Variants in ZDHHC5 observed in about 807,000 individuals in gnomAD.
ZDHHC5 encodes palmitoyltransferase ZDHHC5.
ZDHHC5 carries 22 observed loss-of-function variants against 70.0 expected under a neutral mutation model. The ratio of observed to expected loss-of-function variants is 0.31; its 90% CI spans 0.22 to 0.45. ZDHHC5 has a LOEUF of 0.45. Among genes scored for constraint, ZDHHC5 ranks in the 20% least tolerant of loss-of-function variants. The pLI is 1.00. For synonymous variants in ZDHHC5, 313 were observed against 347.8 expected (o/e 0.90, Z 1.11); for missense variants, 746 against 926.9 (o/e 0.80, Z 2.53).
chr11:57,699,164 C>T lies in ZDHHC5; in HGVS notation c.1728C>T (p.Gly576=). The T allele has an allele frequency of 6.2e-7, 1 of 1,614,276 alleles. No homozygotes were observed. The change falls in exon 11 of 12, where the codon GGC becomes GGT. Residue 576 remains glycine, a synonymous_variant. Coordinates refer to ENST00000287169, the MANE Select transcript of ZDHHC5 (RefSeq NM_015457.3). ...ACTCAGGCATTCAGTCAACACCAGG[C>T]TCGGGCCATGCCCCTCGTACTAGTT... ...LGDSGIQSTP[G]SGHAPRTSSS...
At position 57,696,052 on chromosome 11, in the gene ZDHHC5, T is replaced by A; in HGVS notation, c.1009+9T>A. 6.2e-7 allele frequency: 1 copy of A among 1,604,102 alleles called. No individual in the cohort carries two copies. The highest frequency in any genetic ancestry group is 8.5e-7 in the Non-Finnish European group (1 of 1,176,904). The stretch of plus-strand genomic sequence containing the variant: ...CTTGGCTACTAATGAGGGTAAGGGC[T>A]GCCTTGATTTGCAAGATACTAGAAC... On this transcript the variant is annotated intron_variant, in intron 9 of 11. Transcript: ENST00000287169.
Position 57,690,120 on chromosome 11 carries a change from C to T in ZDHHC5, c.474C>T (p.Ala158=), listed in dbSNP as rs753535561. The change falls in exon 5 of 12, where the codon GCC becomes GCT. Residue 158 remains alanine, a synonymous_variant. Transcript: ENST00000287169. The part of the protein sequence containing the change: ...YFFLFLLSLT[A]HIMGVFGFGL... ...TCCTTTTCCTCCTTTCCCTGACAGCCCACATTATGGGTGTGTTTGGCTTTG... is the reference window on the plus strand; with the variant it reads ...TCCTTTTCCTCCTTTCCCTGACAGCTCACATTATGGGTGTGTTTGGCTTTG... 6.2e-7 allele frequency: 1 copy of T among 1,614,046 alleles called. No homozygotes were observed. Among genetic ancestry groups the T allele is most frequent in the Non-Finnish European group, 8.5e-7 (1 of 1,180,026 alleles).
Position 57,700,038 on chromosome 11 carries a change from G to A in ZDHHC5, c.*7G>A, listed in dbSNP as rs530650676. 1.2e-5 allele frequency: 19 copies of A among 1,562,092 alleles called. No individual in the cohort carries two copies. The East Asian group carries it at 1.6e-4, about 13-fold the overall frequency. Reference sequence around the variant, plus strand: ...CTATGAGATTTCGGTGTGAGCCTTCGGCACCTCCCCTCCCCAACGCCTCTG... The same window carrying A: ...CTATGAGATTTCGGTGTGAGCCTTCAGCACCTCCCCTCCCCAACGCCTCTG... On this transcript the variant is annotated 3_prime_UTR_variant, in exon 12 of 12. Transcript: ENST00000287169.
intron 2 of ZDHHC5, among the ~76,000 whole-genome samples, chr11:57,677,892 A>G (rs561784401): frequency 1.3e-5 from 2 of 152,350 alleles, no homozygotes; most frequent in East Asian, 3.9e-4. Flanking sequence ...ATAAGTGCCC[A>G]GGTCCTACGT....
chr11:57,692,507 A>G (rs973174928), intron 6 of ZDHHC5, 104 bp from the exon 7 acceptor site: 4 of 888,236 alleles, frequency 4.5e-6, no homozygotes, highest in Non-Finnish European at 7.1e-6. Context: ...TCATTTGCAT[A>G]GCCCTCAGAT....
intron 2 of ZDHHC5, among the ~76,000 whole-genome samples, chr11:57,675,297 A>G (rs1946057507): frequency 6.6e-6 from 1 of 152,192 alleles, no homozygotes; most frequent in East Asian, 1.9e-4. Flanking sequence ...CCTCTTCTTG[A>G]GATAGAGCAA....
intron 6 of ZDHHC5, among the ~76,000 whole-genome samples, chr11:57,691,224 A>G (rs769407947): frequency 4.7e-4 from 72 of 152,134 alleles, no homozygotes; most frequent in Non-Finnish European, 7.9e-4. Flanking sequence ...GATGTGCATC[A>G]CCACGCCCAA....
chr11:57,689,682 T>C (rs1946256084), intron 4 of ZDHHC5, among the ~76,000 whole-genome samples: 1 of 151,174 alleles, frequency 6.6e-6, no homozygotes, highest in East Asian at 1.9e-4. Context: ...GGCCAATTTT[T>C]TTTTTTTTTT....
intron 2 of ZDHHC5, among the ~76,000 whole-genome samples, chr11:57,675,200 A>G (rs1481220285): frequency 6.6e-6 from 1 of 152,178 alleles, no homozygotes; most frequent in African/African-American, 2.4e-5. Flanking sequence ...AACTCTGCTC[A>G]ATTGGGGAGG....
chr11:57,688,701 A>T, intron 4 of ZDHHC5, 36 bp downstream of exon 4: 1 of 1,542,640 alleles, frequency 6.5e-7, no homozygotes, highest in Non-Finnish European at 8.8e-7. Flanking sequence ...TTCATGCTTA[A>T]CCTTCATTGT....
chr11:57,693,642 C>T (rs868031477), intron 7 of ZDHHC5, 141 bp from the exon 8 acceptor site: 6 of 1,289,452 alleles, frequency 4.7e-6, no homozygotes, highest in African/African-American at 4.5e-5. Flanking sequence ...CTGTTTATTG[C>T]TAAGTAAGTG....
chr11:57,678,540 C>T (rs1946104458), intron 2 of ZDHHC5, among the ~76,000 whole-genome samples: 1 of 140,102 alleles, frequency 7.1e-6, no homozygotes, highest in Non-Finnish European at 1.5e-5. Flanking sequence ...CACTGCACTC[C>T]AGCCTGGGTG....
intron 8 of ZDHHC5, among the ~76,000 whole-genome samples, chr11:57,695,409 G>T (rs932351946): frequency 6.6e-6 from 1 of 151,768 alleles, no homozygotes; most frequent in African/African-American, 2.4e-5. Context: ...GACTGAGCAA[G>T]ACTCCATTTC....
At chr11:57,683,907 G>T (rs1328593029) in intron 3 of ZDHHC5, among the ~76,000 whole-genome samples, 6 of 151,682 alleles carry the variant, frequency 4.0e-5, no homozygotes, top group Non-Finnish European at 5.9e-5. Context: ...GGCAGTATTA[G>T]AAATTAGAGA....
At chr11:57,696,669 T>C (rs1016787495) in intron 9 of ZDHHC5, 92 bp from the exon 10 acceptor site, 3 of 1,132,792 alleles carry the variant, frequency 2.6e-6, no homozygotes, top group Admixed American at 3.8e-5. Flanking sequence ...ATCGTGCCAC[T>C]GCACTCTAGC....
chr11:57,674,100 G>A (rs1416220386), intron 2 of ZDHHC5, among the ~76,000 whole-genome samples: 2 of 152,190 alleles, frequency 1.3e-5, no homozygotes, highest in Non-Finnish European at 2.9e-5. Context: ...TTGTATTTGG[G>A]AAGAGAGTCC....
intron 2 of ZDHHC5, among the ~76,000 whole-genome samples, chr11:57,677,283 AT>A (rs1170220902): frequency 0.086 from 7,058 of 81,632 alleles, 232 homozygotes; most frequent in Non-Finnish European, 0.12. Flanking sequence ...GCTTCACGTG[AT>A]TTTTTTTTTT....
chr11:57,699,756 A>G (rs537683024), intron 11 of ZDHHC5, 110 bp from the exon 12 acceptor site: 1 of 1,385,652 alleles, frequency 7.2e-7, no homozygotes. Context: ...GTAAGAAAGT[A>G]TGGATATAGA....
At chr11:57,682,229 C>G (rs928341259) in intron 2 of ZDHHC5, among the ~76,000 whole-genome samples, 193 bp from the exon 3 acceptor site, 4 of 152,178 alleles carry the variant, frequency 2.6e-5, no homozygotes, top group Non-Finnish European at 5.9e-5. Flanking sequence ...GTACTTTTAT[C>G]TAAAGTGAGC....
Sources: gnomAD v4.1 joint callset for allele counts (sites outside exome capture counted in the v4.1 genomes callset) on GRCh38, gnomAD v4.1.1 for gene constraint, MANE v1.5 for transcripts, NCBI Gene and HGNC (gene_info 2026-07-23, HGNC 2026-07-21) for gene names.